Variants in GCA observed in about 807,000 individuals in gnomAD.
GCA encodes grancalcin, EF-hand calcium-binding protein.
GCA carries 30 observed loss-of-function variants against 32.6 expected under a neutral mutation model. The ratio of observed to expected loss-of-function variants is 0.92; its 90% confidence interval spans 0.69 to 1.25. The LOEUF (loss-of-function observed/expected upper bound fraction) is 1.25, where lower values mean the gene tolerates loss of function less well. Ranked by LOEUF, GCA falls within the 50% of genes most tolerant of loss-of-function variation. GCA has a pLI of 0.00. For missense variants in GCA, 291 were observed against 266.8 expected (o/e 1.09, Z -0.63); for synonymous variants, 102 against 84.6 (o/e 1.21, Z -1.13).
rs146260349 is a variant in GCA, at chr2:162,354,716, T to A, written c.263-1722T>A. ...AAGTTCAGGAATCCATTTTCTCAGA[T>A]CTAGGTTGGTTAACTCACATCCATC... On this transcript the variant is annotated intron_variant, in intron 3 of 7. Coordinates refer to ENST00000437150, the MANE Select transcript of GCA (RefSeq NM_012198.5). Among the ~76,000 whole-genome samples, 819 of 152,302 alleles carry A rather than the reference T, an allele frequency of 5.4e-3. 2 individuals are homozygous for A. The highest frequency in any genetic ancestry group is 8.7e-3 in the Non-Finnish European group (590 of 68,028).
Position 162,361,190 on chromosome 2 carries a change from A to T in GCA, c.*947A>T. On this transcript the variant is annotated 3_prime_UTR_variant, in exon 8 of 8. Coordinates refer to ENST00000437150, the MANE Select transcript of GCA (RefSeq NM_012198.5). ...ATTAGTGGTGGCTTTGCCATTAAAA[A>T]CCCAGTAAGTATTTTGAGTGCATCT... 1 of 985,100 alleles carries T rather than the reference A, an allele frequency of 1.0e-6. No individual in the cohort carries two copies. The highest frequency in any genetic ancestry group is 1.7e-5 in the African/African-American group (1 of 57,260). 61.0% of individuals were successfully genotyped at this position (985,100 alleles called of 1,614,324 possible). A position where few individuals can be genotyped will look rare whatever the true frequency, so the allele number is the denominator to read the frequency against.
At chr2:162,337,520 T>C (rs111817627) in intron 1 of GCA, among the ~76,000 whole-genome samples, 61 of 152,284 alleles carry the variant, frequency 4.0e-4, no homozygotes, top group African/African-American at 1.3e-3. Context: ...TGCTTTTTTC[T>C]GGTGGAAGTG....
chr2:162,348,242 T>A (rs1476612811), intron 2 of GCA, among the ~76,000 whole-genome samples: 1 of 152,192 alleles, frequency 6.6e-6, no homozygotes, highest in Non-Finnish European at 1.5e-5. Flanking sequence ...CAAAAATGAC[T>A]ATTGGAAATT....
intron 3 of GCA, 131 bp from the exon 4 acceptor site, chr2:162,356,307 G>A (rs191056582): frequency 1.7e-5 from 11 of 652,570 alleles, no homozygotes; most frequent in Non-Finnish European, 3.1e-5. Flanking sequence ...TTCAATAATA[G>A]CTTGTTGATT....
intron 2 of GCA, among the ~76,000 whole-genome samples, chr2:162,349,366 G>A (rs182013288): frequency 6.6e-6 from 1 of 152,078 alleles, no homozygotes; most frequent in Non-Finnish European, 1.5e-5. Context: ...TGAAATAAAT[G>A]AGCTTGTCTT....
chr2:162,322,925 T>C (rs990971219), intron 1 of GCA, among the ~76,000 whole-genome samples: 1 of 151,862 alleles, frequency 6.6e-6, no homozygotes, highest in Non-Finnish European at 1.5e-5. Flanking sequence ...ATATACCCAG[T>C]AATGGGATGG....
intron 1 of GCA, among the ~76,000 whole-genome samples, chr2:162,347,191 T>C (rs1684754095): frequency 6.6e-6 from 1 of 152,232 alleles, no homozygotes; most frequent in Non-Finnish European, 1.5e-5. Context: ...TTTACACATA[T>C]ATTCTTCTAA....
intron 3 of GCA, among the ~76,000 whole-genome samples, chr2:162,353,332 G>A (rs1352100020): frequency 1.3e-5 from 2 of 152,130 alleles, no homozygotes; most frequent in African/African-American, 2.4e-5. Flanking sequence ...ACTGGGCGTG[G>A]TGGCACGCAC....
intron 5 of GCA, among the ~76,000 whole-genome samples, chr2:162,357,534 A>G (rs766025874): frequency 2.6e-5 from 4 of 151,800 alleles, no homozygotes; most frequent in Non-Finnish European, 5.9e-5. Flanking sequence ...CACTCTTCTA[A>G]ACAAAATCTA....
chr2:162,349,421 A>G (rs1191825054), intron 2 of GCA, among the ~76,000 whole-genome samples: 1 of 151,624 alleles, frequency 6.6e-6, no homozygotes, highest in Non-Finnish European at 1.5e-5. Context: ...CACCTGCTAT[A>G]TTTGTGTTTT....
In GCA at chr2:162,361,796, T is replaced by C; in HGVS notation, c.*1553T>C. On this transcript the variant is annotated 3_prime_UTR_variant, in exon 8 of 8. Transcript: ENST00000437150. Reference sequence around the variant, plus strand: ...AGCTGGGAAATTAAAGAAACAGAATTCTAATTAGAAGTGTTGTAGGAAAAA... The same window carrying C: ...AGCTGGGAAATTAAAGAAACAGAATCCTAATTAGAAGTGTTGTAGGAAAAA... 2.0e-6 allele frequency: 2 copies of C among 984,264 alleles called. No homozygotes were observed. The highest frequency in any genetic ancestry group is 9.4e-5 in the South Asian group (2 of 21,270). The allele number at this position is 984,264 out of a possible 1,614,324, so 61.0% of individuals were successfully genotyped here.
At chr2:162,344,394 G>A (rs1007403817) in intron 1 of GCA, 119 bp downstream of exon 1, 14 of 946,522 alleles carry the variant, frequency 1.5e-5, no homozygotes, top group Non-Finnish European at 2.1e-5. Flanking sequence ...CCTGGTACTC[G>A]GCGGCGCCGG....
chr2:162,348,125 T>G (rs977421026), intron 2 of GCA, among the ~76,000 whole-genome samples: 2 of 152,168 alleles, frequency 1.3e-5, no homozygotes, highest in African/African-American at 4.8e-5. Flanking sequence ...CACTTAAATC[T>G]TTTTATTTCC....
intron 5 of GCA, 61 bp downstream of exon 5, chr2:162,356,966 A>T: frequency 8.6e-7 from 1 of 1,163,614 alleles, no homozygotes; most frequent in Non-Finnish European, 1.2e-6. Context: ...GATTAGATGA[A>T]CTTAATTGCT....
chr2:162,356,653 A>T, intron 4 of GCA, 105 bp from the exon 5 acceptor site: 2 of 896,880 alleles, frequency 2.2e-6, no homozygotes, highest in Non-Finnish European at 3.5e-6. Context: ...CTGTTCATAT[A>T]ATGAGTTTGG....
intron 1 of GCA, among the ~76,000 whole-genome samples, chr2:162,334,617 G>A (rs189305271): frequency 6.6e-6 from 1 of 152,286 alleles, no homozygotes; most frequent in African/African-American, 2.4e-5. Flanking sequence ...ATGGCATCCT[G>A]AGCTAACCTC....
At chr2:162,371,796 T>C, downstream of GCA, 1 of 1,580,592 alleles carries the variant, frequency 6.3e-7, no homozygotes, top group Non-Finnish European at 8.6e-7. Context: ...TAAAAGCACT[T>C]ACATTGTATG....
Position 162,361,305 on chromosome 2 carries a change from G to T in GCA, c.*1062G>T. The T allele has an allele frequency of 2.0e-6, 2 of 984,578 alleles. No individual in the cohort carries two copies. The highest frequency in any genetic ancestry group is 2.4e-6 in the Non-Finnish European group (2 of 829,364). 61.0% of individuals were successfully genotyped at this position (984,578 alleles called of 1,614,324 possible). Reference sequence around the variant, plus strand: ...CCGAAAATGCGACGTAGAATCACCAGATCTTTAGTGTTTAATATCCCTGGT... The same window carrying T: ...CCGAAAATGCGACGTAGAATCACCATATCTTTAGTGTTTAATATCCCTGGT... On this transcript the variant is annotated 3_prime_UTR_variant, in exon 8 of 8. Coordinates refer to ENST00000437150, the MANE Select transcript of GCA (RefSeq NM_012198.5).
At chr2:162,327,923 G>A (rs1285803686) in intron 1 of GCA, among the ~76,000 whole-genome samples, 1 of 152,250 alleles carries the variant, frequency 6.6e-6, no homozygotes, top group Non-Finnish European at 1.5e-5. Context: ...GGCTCCACCT[G>A]TAATTCCAAT....
Sources: gnomAD v4.1 joint callset for allele counts (sites outside exome capture counted in the v4.1 genomes callset) on GRCh38, gnomAD v4.1.1 for gene constraint, MANE v1.5 for transcripts, NCBI Gene and HGNC (gene_info 2026-07-23, HGNC 2026-07-21) for gene names.